MAP3K4: variants seen among roughly 807,000 people sequenced by gnomAD.
MAP3K4 encodes the protein mitogen-activated protein kinase kinase kinase 4, also known as MAP three kinase 1.
A neutral mutation model predicts 185.6 loss-of-function variants in MAP3K4; 67 were observed. The ratio of observed to expected loss-of-function variants is 0.36; its 90% CI spans 0.30 to 0.44. The LOEUF is 0.44. Ranked by LOEUF, MAP3K4 falls within the 20% of genes least tolerant of loss-of-function variation. The pLI is 1.00. For synonymous variants in MAP3K4, 702 were observed against 710.4 expected (o/e 0.99, Z 0.19); for missense variants, 1,551 against 1,995.1 (o/e 0.78, Z 4.24).
At chr6:161,046,388 T>G (rs1355179807) in intron 2 of MAP3K4, among the ~76,000 whole-genome samples, 1 of 151,954 alleles carries the variant, frequency 6.6e-6, no homozygotes, top group Admixed American at 6.6e-5. Flanking sequence ...TAAATAAGAG[T>G]TGATAAGCAT....
At chr6:161,013,554 G>T (rs1200514978) in intron 1 of MAP3K4, among the ~76,000 whole-genome samples, 1 of 151,754 alleles carries the variant, frequency 6.6e-6, no homozygotes, top group Admixed American at 6.6e-5. Context: ...TGCAGGGCAG[G>T]TGAGCCCAAA....
At chr6:161,001,792 A>G (rs1781332727) in intron 1 of MAP3K4, among the ~76,000 whole-genome samples, 2 of 152,196 alleles carry the variant, frequency 1.3e-5, no homozygotes, top group African/African-American at 4.8e-5. Flanking sequence ...AGGCAAAAAT[A>G]ATAACATCTT....
intron 1 of MAP3K4, among the ~76,000 whole-genome samples, chr6:161,001,758 T>C (rs1403407244): frequency 2.6e-5 from 4 of 152,226 alleles, no homozygotes; most frequent in Non-Finnish European, 5.9e-5. Context: ...ATTTAGCCTC[T>C]CTCAGTCTGT....
chr6:161,094,158 G>A (rs1777467323), intron 15 of MAP3K4, among the ~76,000 whole-genome samples: 1 of 152,120 alleles, frequency 6.6e-6, no homozygotes, highest in Non-Finnish European at 1.5e-5. Context: ...CTGATGGGGA[G>A]GAAAGACTGG....
At chr6:161,102,674 T>C in intron 18 of MAP3K4, 25 bp from the exon 19 acceptor site, 2 of 1,465,352 alleles carry the variant, frequency 1.4e-6, no homozygotes, top group Non-Finnish European at 1.9e-6. Flanking sequence ...TAAATCTTAA[T>C]TTGTATAAAA....
Position 160,996,045 on chromosome 6 carries a change from G to A in MAP3K4, c.152+3962G>A, listed in dbSNP as rs762722642. On this transcript the variant is annotated intron_variant, in intron 1 of 26. Coordinates refer to ENST00000392142, the MANE Select transcript of MAP3K4 (RefSeq NM_005922.4). This position sits in a 1 kb window ranked among gnomAD's most constrained non-coding sequence, Gnocchi z 4.5. ...CCTACTAAAAAACTAGTTGAATGTC[G>A]TCACTCCTAGGCAATTTGCTCTGCC... Among the ~76,000 whole-genome samples the A allele has an allele frequency of 9.2e-5, 14 of 151,998 alleles. No individual in the cohort carries two copies. The highest frequency in any genetic ancestry group is 5.2e-4 in the Admixed American group (8 of 15,274).
At chr6:161,028,124 G>A (rs1433962040) in intron 1 of MAP3K4, among the ~76,000 whole-genome samples, 3 of 152,188 alleles carry the variant, frequency 2.0e-5, no homozygotes, top group Non-Finnish European at 4.4e-5. Flanking sequence ...ACATTCAAGC[G>A]TAGATATGCA....
At chr6:161,015,447 T>C (rs1782048172) in intron 1 of MAP3K4, among the ~76,000 whole-genome samples, 1 of 152,082 alleles carries the variant, frequency 6.6e-6, no homozygotes, top group African/African-American at 2.4e-5. Flanking sequence ...TGCACACGTA[T>C]CCTGGAACTT....
rs193245730 is a variant in MAP3K4 at position 161,084,788 on chromosome 6, T to A, written c.2372+171T>A. ...CTGCCTTGTCTTTTCATGTGATTTCTTAGTTATGGTTTTATGTGAAATTTT... is the reference window on the plus strand; with the variant it reads ...CTGCCTTGTCTTTTCATGTGATTTCATAGTTATGGTTTTATGTGAAATTTT... On this transcript the variant is annotated intron_variant, in intron 7 of 26. Transcript: ENST00000392142. This position sits in a 1 kb window ranked among gnomAD's most constrained non-coding sequence, Gnocchi z 4.6. Among the ~76,000 whole-genome samples the A allele has an allele frequency of 6.6e-6, 1 of 152,258 alleles. No homozygotes were observed. Among genetic ancestry groups the A allele is most frequent in the South Asian group, 2.1e-4 (1 of 4,832 alleles).
In MAP3K4 at chr6:161,088,141, A is replaced by G. The variant is rs939684571; in HGVS notation, c.2823+187A>G. ...AATTTGTACAATATATCATTCTGTT[A>G]AGTTAAATTATACTGGAATACTTGA... On this transcript the variant is annotated intron_variant, in intron 10 of 26. Coordinates refer to ENST00000392142, the MANE Select transcript of MAP3K4 (RefSeq NM_005922.4). The surrounding 1 kb of genome is among the most constrained non-coding windows in gnomAD (Gnocchi z 4.5). Among the ~76,000 whole-genome samples, 1 of 152,146 alleles carries G rather than the reference A, an allele frequency of 6.6e-6. No individual in the cohort carries two copies. Among genetic ancestry groups the G allele is most frequent in the Non-Finnish European group, 1.5e-5 (1 of 68,002 alleles).
rs1177065454 is a variant in MAP3K4, at chr6:161,082,105, CTCTT to C, written c.2255+1069_2255+1072del. Among the ~76,000 whole-genome samples, 1 of 152,038 alleles carries C rather than the reference CTCTT, an allele frequency of 6.6e-6. No homozygotes were observed. The highest frequency in any genetic ancestry group is 6.6e-5 in the Admixed American group (1 of 15,262). ...ATGGCCAGTTCTTTTTACATCCTCT[CTCTT>C]TATTTGGAGTGGACAGTGAACTTGC... On this transcript the variant is annotated intron_variant, in intron 6 of 26. Transcript: ENST00000392142. This position sits in a 1 kb window ranked among gnomAD's most constrained non-coding sequence, Gnocchi z 4.2.
At chr6:160,992,158 G>A in intron 1 of MAP3K4, 75 bp downstream of exon 1, 1 of 1,424,730 alleles carries the variant, frequency 7.0e-7, no homozygotes, top group South Asian at 1.5e-5. Flanking sequence ...CGGGCCCGAG[G>A]GCCTCTGCTT....
chr6:161,010,309 C>T (rs1781786870), intron 1 of MAP3K4, among the ~76,000 whole-genome samples: 1 of 151,984 alleles, frequency 6.6e-6, no homozygotes, highest in South Asian at 2.1e-4. Context: ...AAATTGTATG[C>T]TTATCATATT....
At chr6:161,058,049 A>G (rs1363098444) in intron 3 of MAP3K4, among the ~76,000 whole-genome samples, 3 of 152,176 alleles carry the variant, frequency 2.0e-5, no homozygotes, top group Non-Finnish European at 4.4e-5. Flanking sequence ...TTAACTGAAC[A>G]CTCGCTACAT....
chr6:160,993,461 G>A (rs776517130), intron 1 of MAP3K4, among the ~76,000 whole-genome samples: 2 of 152,064 alleles, frequency 1.3e-5, no homozygotes, highest in Non-Finnish European at 2.9e-5. Flanking sequence ...TATGAGGTAG[G>A]TCCTGTTATA....
intron 3 of MAP3K4, among the ~76,000 whole-genome samples, chr6:161,058,565 C>T (rs1784344685): frequency 2.0e-5 from 3 of 152,000 alleles, no homozygotes; most frequent in South Asian, 4.1e-4. Flanking sequence ...TTTTGAAGTC[C>T]CTGTCCTCTG....
Position 161,084,998 on chromosome 6 carries a change from A to AT in MAP3K4, c.2372+381_2372+382insT, listed in dbSNP as rs1785633035. Among the ~76,000 whole-genome samples, 2 of 152,026 alleles carry AT rather than the reference A, an allele frequency of 1.3e-5. No individual in the cohort carries two copies. The highest frequency in any genetic ancestry group is 2.4e-5 in the African/African-American group (1 of 41,378). On this transcript the variant is annotated intron_variant, in intron 7 of 26. Coordinates refer to ENST00000392142, the MANE Select transcript of MAP3K4 (RefSeq NM_005922.4). This position sits in a 1 kb window ranked among gnomAD's most constrained non-coding sequence, Gnocchi z 4.6. ...CGTCTCTACTAAAAATACAAAAAAAACAGCTGGGCGTGGTGGCACGCACCC... is the reference window on the plus strand; with the variant it reads ...CGTCTCTACTAAAAATACAAAAAAAATCAGCTGGGCGTGGTGGCACGCACCC...
chr6:161,111,758 TG>T, intron 23 of MAP3K4, 77 bp from the exon 24 acceptor site: 1 of 1,382,774 alleles, frequency 7.2e-7, no homozygotes, highest in Non-Finnish European at 1.0e-6. Flanking sequence ...ATGAAGTTCC[TG>T]GTCGTTTAGA....
rs1350445759 is a variant in MAP3K4 at position 161,077,269 on chromosome 6, T to C, written c.2098-3612T>C. Among the ~76,000 whole-genome samples, 2 of 152,074 alleles carry C rather than the reference T, an allele frequency of 1.3e-5. No individual in the cohort carries two copies. Among genetic ancestry groups the C allele is most frequent in the Non-Finnish European group, 2.9e-5 (2 of 67,996 alleles). On this transcript the variant is annotated intron_variant, in intron 5 of 26. Transcript: ENST00000392142. This position sits in a 1 kb window ranked among gnomAD's most constrained non-coding sequence, Gnocchi z 4.3. Reference sequence around the variant, plus strand: ...TAACTTTCTGGTACCTTATTTCTTATTGAAAAAAATATCTACATGTACCCC... The same window carrying C: ...TAACTTTCTGGTACCTTATTTCTTACTGAAAAAAATATCTACATGTACCCC...
Sources: allele counts gnomAD v4.1 joint callset (sites outside exome capture counted in the v4.1 genomes callset), GRCh38; gene constraint gnomAD v4.1.1; non-coding constraint Gnocchi (gnomAD v3.1); transcripts MANE v1.5; gene names NCBI Gene and HGNC (gene_info 2026-07-23, HGNC 2026-07-21).